RNF180: variants seen among roughly 807,000 people sequenced by gnomAD.
RNF180 encodes ring finger protein 180.
In RNF180, 38 loss-of-function variants were observed where a neutral mutation model predicts 59.2. The ratio of observed to expected loss-of-function variants is 0.64; its 90% CI spans 0.50 to 0.84. The LOEUF is 0.84. RNF180 is among the 40% of genes least tolerant of loss of function. The pLI is 0.00. For synonymous variants in RNF180, 262 were observed against 240.3 expected (o/e 1.09, Z -0.84); for missense variants, 705 against 700.9 (o/e 1.01, Z -0.07).
At chr5:64,289,456 A>C (rs993439465) in intron 5 of RNF180, among the ~76,000 whole-genome samples, 1 of 152,170 alleles carries the variant, frequency 6.6e-6, no homozygotes, top group Non-Finnish European at 1.5e-5. Context: ...GAATAGTTTT[A>C]GTATAAATAG....
chr5:64,165,940 G>T lies in RNF180; in HGVS notation c.-14G>T. 6.5e-6 allele frequency: 1 copy of T among 152,694 alleles called. No homozygotes were observed. The highest frequency in any genetic ancestry group is 1.5e-5 in the Non-Finnish European group (1 of 68,320). The allele number at this position is 152,694 out of a possible 1,614,324, so 9.5% of individuals were successfully genotyped here. ...ACGGGGCGCGAAGCCGGAGGCTCCG[G>T]GACGTGGATACAGGTAAAGGCCGGC... On this transcript the variant is annotated 5_prime_UTR_variant, in exon 1 of 8. Coordinates refer to ENST00000389100, the MANE Select transcript of RNF180 (RefSeq NM_001113561.2).
At chr5:64,338,120 TG>T (rs1745207084) in intron 7 of RNF180, among the ~76,000 whole-genome samples, 1 of 152,250 alleles carries the variant, frequency 6.6e-6, no homozygotes, top group South Asian at 2.1e-4. Context: ...GATATTGGTA[TG>T]TTGTTATCAT....
At chr5:64,300,049 G>A (rs990264400) in intron 5 of RNF180, among the ~76,000 whole-genome samples, 1 of 151,716 alleles carries the variant, frequency 6.6e-6, no homozygotes, top group Non-Finnish European at 1.5e-5. Context: ...CATGGTGCTT[G>A]TGTTCAGGTA....
At chr5:64,281,057 T>C (rs1741983134) in intron 5 of RNF180, among the ~76,000 whole-genome samples, 1 of 152,206 alleles carries the variant, frequency 6.6e-6, no homozygotes, top group African/African-American at 2.4e-5. Context: ...TATTTTTGTG[T>C]GTGTGGTTAT....
intron 5 of RNF180, among the ~76,000 whole-genome samples, chr5:64,317,633 C>T (rs945354157): frequency 6.6e-6 from 1 of 150,838 alleles, no homozygotes; most frequent in Non-Finnish European, 1.5e-5. Flanking sequence ...TACACACACA[C>T]ACACACACAC....
chr5:64,315,318 T>A (rs1481413686), intron 5 of RNF180, among the ~76,000 whole-genome samples: 4 of 152,206 alleles, frequency 2.6e-5, no homozygotes, highest in Non-Finnish European at 4.4e-5. Flanking sequence ...AGTGACAGAT[T>A]TACTTTGTTC....
chr5:64,278,529 G>A (rs1741843316), intron 5 of RNF180, among the ~76,000 whole-genome samples: 1 of 152,174 alleles, frequency 6.6e-6, no homozygotes, highest in African/African-American at 2.4e-5. Flanking sequence ...AAGATAAAGG[G>A]AGTAAAGTAT....
intron 5 of RNF180, among the ~76,000 whole-genome samples, chr5:64,223,755 G>C (rs1344062529): frequency 6.6e-6 from 1 of 151,626 alleles, no homozygotes; most frequent in East Asian, 1.9e-4. Context: ...TTTCCTTCAT[G>C]TAACTAATGA....
chr5:64,248,356 C>CTTA (rs1311422956), intron 5 of RNF180, among the ~76,000 whole-genome samples: 2 of 152,098 alleles, frequency 1.3e-5, no homozygotes, highest in African/African-American at 4.8e-5. Context: ...GCAATCTATC[C>CTTA]ATCTGACAAA....
At chr5:64,194,846 GTTGT>G (rs1181101090) in intron 1 of RNF180, among the ~76,000 whole-genome samples, 46 of 152,202 alleles carry the variant, frequency 3.0e-4, no homozygotes, top group Middle Eastern at 3.4e-3. Flanking sequence ...TTTTGATGGG[GTTGT>G]TTGTTTTTTT....
chr5:64,261,535 A>G (rs191168069), intron 5 of RNF180, among the ~76,000 whole-genome samples: 161 of 152,268 alleles, frequency 1.1e-3, no homozygotes, highest in Non-Finnish European at 1.8e-3. Context: ...GGGTTTCAGA[A>G]TATTTTAAAT....
intron 5 of RNF180, among the ~76,000 whole-genome samples, chr5:64,255,229 G>T (rs1211402077): frequency 6.6e-6 from 1 of 152,038 alleles, no homozygotes; most frequent in Non-Finnish European, 1.5e-5. Flanking sequence ...TATACTTTAA[G>T]TTCTAGGGTA....
At chr5:64,206,137 A>G (rs1579998547) in intron 2 of RNF180, among the ~76,000 whole-genome samples, 1 of 152,186 alleles carries the variant, frequency 6.6e-6, no homozygotes, top group East Asian at 1.9e-4. Flanking sequence ...CTATATATCC[A>G]TATGTAAAGA....
intron 5 of RNF180, among the ~76,000 whole-genome samples, chr5:64,258,757 A>G (rs1275485249): frequency 6.6e-6 from 1 of 152,194 alleles, no homozygotes; most frequent in Non-Finnish European, 1.5e-5. Context: ...ATTTTCTCTT[A>G]GATAATAACT....
chr5:64,241,779 A>C (rs556386754), intron 5 of RNF180, among the ~76,000 whole-genome samples: 2 of 152,254 alleles, frequency 1.3e-5, no homozygotes, highest in South Asian at 4.1e-4. Context: ...ACAGTTTTTC[A>C]TTACCCACAT....
chr5:64,312,345 C>T (rs922063971), intron 5 of RNF180, among the ~76,000 whole-genome samples: 6 of 152,076 alleles, frequency 3.9e-5, no homozygotes, highest in Admixed American at 2.6e-4. Context: ...TTTCTTAGCA[C>T]CCTCTTATTC....
chr5:64,279,393 C>G (rs1017509053), intron 5 of RNF180, among the ~76,000 whole-genome samples: 18 of 152,080 alleles, frequency 1.2e-4, no homozygotes, highest in African/African-American at 4.8e-5. Context: ...AAAGAAGTGA[C>G]TATGGCTAGA....
chr5:64,289,815 T>TA lies in RNF180; in HGVS notation c.1228-35370dup, dbSNP rs745931473. Among the ~76,000 whole-genome samples, 155 of 151,706 alleles carry TA rather than the reference T, an allele frequency of 1.0e-3. 2 individuals carry two copies. The Middle Eastern group carries it at 0.014, about 13-fold the overall frequency. ...TATTAGTGTAGCTAGTGGTCTATTT[T>TA]ATTAATTTTCTCAAAAAACCATCTC... On this transcript the variant is annotated intron_variant, in intron 5 of 7. Coordinates refer to ENST00000389100, the MANE Select transcript of RNF180 (RefSeq NM_001113561.2).
intron 7 of RNF180, among the ~76,000 whole-genome samples, chr5:64,350,715 T>C (rs961978196): frequency 1.7e-3 from 264 of 152,192 alleles, no homozygotes; most frequent in Non-Finnish European, 3.0e-3. Context: ...GATCAGATGG[T>C]TGTAGATGTG....
Sources: allele counts gnomAD v4.1 joint callset (sites outside exome capture counted in the v4.1 genomes callset), GRCh38; gene constraint gnomAD v4.1.1; transcripts MANE v1.5; gene names NCBI Gene and HGNC (gene_info 2026-07-23, HGNC 2026-07-21).